Variants in SUMF1 observed in about 807,000 individuals in gnomAD.
The protein encoded by SUMF1 is sulfatase modifying factor 1, also known as formylglycine-generating enzyme.
SUMF1 carries 48 observed loss-of-function variants against 47.6 expected under a neutral mutation model. The ratio of observed to expected loss-of-function variants is 1.01; its 90% confidence interval spans 0.80 to 1.28. The LOEUF is 1.28. SUMF1 is among the 50% of genes most tolerant of loss of function. The pLI, the probability that SUMF1 is intolerant of heterozygous loss-of-function variation, is 0.00. For synonymous variants in SUMF1, 230 were observed against 192.1 expected (o/e 1.20, Z -1.63); for missense variants, 571 against 485.4 (o/e 1.18, Z -1.66).
chr3:4,178,887 T>C (rs547454278), intron 8 of SUMF1, among the ~76,000 whole-genome samples: 50 of 152,212 alleles, frequency 3.3e-4, no homozygotes, highest in Non-Finnish European at 5.4e-4. Flanking sequence ...AGCATTCCAG[T>C]AAACCATTAA....
intron 8 of SUMF1, among the ~76,000 whole-genome samples, chr3:4,116,334 C>T (rs1012337811): frequency 1.3e-5 from 2 of 152,108 alleles, no homozygotes; most frequent in East Asian, 3.9e-4. Context: ...ATTATTATTC[C>T]CCGGGTTCTC....
chr3:4,423,279 TACACACACAC>T (rs56729932), intron 3 of SUMF1, among the ~76,000 whole-genome samples: 58 of 147,080 alleles, frequency 3.9e-4, no homozygotes, highest in South Asian at 4.4e-4. Flanking sequence ...GAAACTGTGA[TACACACACAC>T]ACACACACAC....
At chr3:4,435,977 T>C (rs1212493959) in intron 3 of SUMF1, among the ~76,000 whole-genome samples, 1 of 152,216 alleles carries the variant, frequency 6.6e-6, no homozygotes, top group Non-Finnish European at 1.5e-5. Flanking sequence ...ACAGACTATT[T>C]TTCTTCTTTA....
chr3:4,296,000 G>T (rs1042691356), intron 8 of SUMF1, among the ~76,000 whole-genome samples: 2 of 151,996 alleles, frequency 1.3e-5, no homozygotes, highest in Non-Finnish European at 2.9e-5. Flanking sequence ...AATGTAAACT[G>T]CTGTCTTTTG....
chr3:4,235,298 A>G (rs73133364), intron 8 of SUMF1, among the ~76,000 whole-genome samples: 2,062 of 152,242 alleles, frequency 0.014, 44 homozygotes, highest in African/African-American at 0.047. Context: ...GGTGCCATCC[A>G]TTGTCATGTG....
intron 8 of SUMF1, among the ~76,000 whole-genome samples, chr3:4,269,381 T>C (rs1169518435): frequency 6.6e-6 from 1 of 152,190 alleles, no homozygotes; most frequent in Non-Finnish European, 1.5e-5. Flanking sequence ...CATAATTCAC[T>C]ATTAGCAACA....
intron 8 of SUMF1, among the ~76,000 whole-genome samples, chr3:4,244,858 T>C (rs1239979821): frequency 6.6e-6 from 1 of 152,008 alleles, no homozygotes; most frequent in Non-Finnish European, 1.5e-5. Flanking sequence ...ACTGATTCCA[T>C]TCTCCCCATA....
chr3:4,346,704 G>C (rs748829623), intron 8 of SUMF1, among the ~76,000 whole-genome samples: 2 of 148,678 alleles, frequency 1.3e-5, no homozygotes, highest in East Asian at 1.9e-4. Flanking sequence ...ATGAGATAGA[G>C]ACACAAAAAA....
Position 4,179,315 on chromosome 3 carries a change from A to C in SUMF1, c.1015-110570T>G, listed in dbSNP as rs188497644. Among the ~76,000 whole-genome samples, 104 of 152,284 alleles carry C rather than the reference A, an allele frequency of 6.8e-4. 5 individuals are homozygous for C. The East Asian group carries it at 0.011, about 16-fold the overall frequency. On this transcript the variant is annotated intron_variant and NMD_transcript_variant, in intron 8 of 12. Transcript: ENST00000448413. ...ACAAGGCTTCAGTAACCAAAACAGC[A>C]TGCTACTGGTACCAAAACAGAGATA...
intron 8 of SUMF1, among the ~76,000 whole-genome samples, chr3:4,216,693 A>T (rs772640759): frequency 3.3e-5 from 5 of 152,220 alleles, no homozygotes; most frequent in Non-Finnish European, 7.4e-5. Context: ...CCCATCAAAA[A>T]GTGGGCAAAG....
intron 8 of SUMF1, among the ~76,000 whole-genome samples, chr3:4,369,282 G>T (rs529347801): frequency 6.6e-6 from 1 of 152,272 alleles, no homozygotes; most frequent in South Asian, 2.1e-4. Flanking sequence ...AAAGGAAGAT[G>T]AATTTAAAGT....
At chr3:4,036,933 C>A (rs560336316) in intron 9 of SUMF1, among the ~76,000 whole-genome samples, 1 of 147,632 alleles carries the variant, frequency 6.8e-6, no homozygotes, top group East Asian at 2.0e-4. Flanking sequence ...ACTGAGGGAA[C>A]CAACACACTG....
intron 8 of SUMF1, among the ~76,000 whole-genome samples, chr3:4,181,898 T>C (rs1259358074): frequency 2.7e-5 from 4 of 150,140 alleles, no homozygotes; most frequent in African/African-American, 1.0e-4. Context: ...ATTGGCTGTC[T>C]GTGCTACTGC....
In SUMF1 at chr3:4,467,095, C is replaced by A; in HGVS notation, c.151G>T (p.Gly51Cys). Reference sequence around the variant, plus strand: ...CCAGGCCGCTGGGGCGTGCCGCAGCCGCAAGAACCCGCAAGGGACCCCGCG... The same window carrying A: ...CCAGGCCGCTGGGGCGTGCCGCAGCAGCAAGAACCCGCAAGGGACCCCGCG... ...AGAGSLAGSC[G>C]CGTPQRPGAH... Residue 51 changes from glycine to cysteine, a missense_variant, in exon 1 of 9, where the codon GGC becomes TGC. By Grantham distance (159) the Gly-to-Cys change is radical. Coordinates refer to ENST00000272902, the MANE Select transcript of SUMF1 (RefSeq NM_182760.4). 1 of 1,560,536 alleles carries A rather than the reference C, an allele frequency of 6.4e-7. No individual in the cohort carries two copies. The highest frequency in any genetic ancestry group is 8.7e-7 in the Non-Finnish European group (1 of 1,153,564).
intron 8 of SUMF1, among the ~76,000 whole-genome samples, chr3:4,327,698 A>G (rs1451255076): frequency 1.3e-5 from 2 of 152,168 alleles, no homozygotes; most frequent in African/African-American, 4.8e-5. Flanking sequence ...CATCTCTTGT[A>G]TAATTTTTAA....
At chr3:4,275,598 T>C (rs949952046) in intron 8 of SUMF1, among the ~76,000 whole-genome samples, 13 of 152,192 alleles carry the variant, frequency 8.5e-5, no homozygotes, top group Admixed American at 2.0e-4. Context: ...CCCTTTGGAA[T>C]AGTCAACACC....
At chr3:4,441,087 G>A (rs1194152759) in intron 3 of SUMF1, among the ~76,000 whole-genome samples, 1 of 152,124 alleles carries the variant, frequency 6.6e-6, no homozygotes, top group Non-Finnish European at 1.5e-5. Context: ...CAAACAGCAG[G>A]AGGTGAGTGG....
At chr3:4,153,521 G>GGT (rs992427206) in intron 8 of SUMF1, among the ~76,000 whole-genome samples, 7 of 83,332 alleles carry the variant, frequency 8.4e-5, no homozygotes, top group Non-Finnish European at 1.6e-4. Context: ...CCGCCTTGTA[G>GGT]GTTTTTTTTT....
chr3:4,148,115 A>C (rs534139309), intron 8 of SUMF1, among the ~76,000 whole-genome samples: 7 of 151,980 alleles, frequency 4.6e-5, no homozygotes, highest in Non-Finnish European at 8.8e-5. Context: ...GCTCCTACCC[A>C]CTCCTTTGAA....
Sources: allele counts gnomAD v4.1 joint callset (sites outside exome capture counted in the v4.1 genomes callset), GRCh38; gene constraint gnomAD v4.1.1; transcripts MANE v1.5; gene names NCBI Gene and HGNC (gene_info 2026-07-23, HGNC 2026-07-21).